The following PRSS55 variants were observed in gnomAD, a reference collection of about 807,000 sequenced individuals.
PRSS55 encodes serine protease 55.
In PRSS55, 41 loss-of-function variants were observed where a neutral mutation model predicts 23.6. That is an observed-to-expected ratio of 1.74 (90% CI 1.35 to 2.26). The LOEUF is 2.26. PRSS55 is among the 30% of genes most tolerant of loss of function. PRSS55 has a pLI of 0.00. For missense variants in PRSS55, 669 were observed against 439.1 expected (o/e 1.52, Z -4.68); for synonymous variants, 262 against 175.5 (o/e 1.49, Z -3.90).
downstream of PRSS55, among the ~76,000 whole-genome samples, chr8:10,540,025 T>A (rs1390012874): frequency 2.8e-4 from 42 of 152,144 alleles, no homozygotes; most frequent in Non-Finnish European, 1.5e-5. Context: ...GCTCCTCTCT[T>A]GCTCTCTCCT....
intron 1 of PRSS55, among the ~76,000 whole-genome samples, chr8:10,528,713 G>T (rs947572625): frequency 6.6e-6 from 1 of 152,168 alleles, no homozygotes; most frequent in Non-Finnish European, 1.5e-5. Flanking sequence ...CACACCTGGC[G>T]GCTTAAACAA....
At chr8:10,554,082 C>T (rs1044188746) in exon 5 of PRSS55, 1 of 1,235,918 alleles carries the variant, frequency 8.1e-7, no homozygotes, top group African/African-American at 1.5e-5. Context: ...AGAAAACATA[C>T]CCTTGGGCAT....
At chr8:10,531,709 C>A in intron 3 of PRSS55, 164 bp downstream of exon 3, 1 of 882,292 alleles carries the variant, frequency 1.1e-6, no homozygotes. Flanking sequence ...GCCGAAACCC[C>A]AAGGTGAGAC....
At chr8:10,528,926 C>G (rs535571724) in intron 1 of PRSS55, among the ~76,000 whole-genome samples, 1 of 152,174 alleles carries the variant, frequency 6.6e-6, no homozygotes, top group African/African-American at 2.4e-5. Context: ...TTTGCCTTTC[C>G]TCTGCAGTCA....
chr8:10,550,870 A>G (rs1025481760), intron 4 of PRSS55, among the ~76,000 whole-genome samples: 1 of 152,240 alleles, frequency 6.6e-6, no homozygotes, highest in African/African-American at 2.4e-5. Context: ...GTAGGAGTGC[A>G]TGGAAAGCTG....
At chr8:10,547,212 G>A (rs376480956) in intron 4 of PRSS55, among the ~76,000 whole-genome samples, 9 of 152,310 alleles carry the variant, frequency 5.9e-5, no homozygotes, top group African/African-American at 2.2e-4. Flanking sequence ...TCTTTCCAGA[G>A]TGAGCCGCCG....
Position 10,529,630 on chromosome 8 carries a change from G to C in PRSS55, c.278G>C (p.Cys93Ser). 1 of 1,614,208 alleles carries C rather than the reference G, an allele frequency of 6.2e-7. No homozygotes were observed. Among genetic ancestry groups the C allele is most frequent in the Non-Finnish European group, 8.5e-7 (1 of 1,180,036 alleles). Reference protein sequence around the residue: ...VSIQARSEPFCGGSILNKWWI... With the variant: ...VSIQARSEPFSGGSILNKWWI... ...ATTCAGGCAAGAAGTGAACCTTTCT[G>C]TGGCGGCTCCATCCTCAACAAGTGG... The change falls in exon 2 of 5, where the codon TGT becomes TCT. Residue 93 changes from cysteine to serine, a missense_variant. Cys to Ser is a moderately radical substitution (Grantham distance 112). Transcript: ENST00000328655.
chr8:10,532,864 G>A, intron 3 of PRSS55, 42 bp from the exon 4 acceptor site: 1 of 1,612,258 alleles, frequency 6.2e-7, no homozygotes, highest in Non-Finnish European at 8.5e-7. Context: ...GTGGGGACAT[G>A]AGGCCCAGTG....
chr8:10,543,175 T>C (rs1812708464), downstream of PRSS55, among the ~76,000 whole-genome samples: 2 of 152,122 alleles, frequency 1.3e-5, no homozygotes, highest in South Asian at 4.2e-4. Context: ...AGCTTGGCAA[T>C]CTTGGCAAGT....
Position 10,544,012 on chromosome 8 carries a change from G to A in PRSS55, c.742-9931G>A, listed in dbSNP as rs184757003. Among the ~76,000 whole-genome samples, 14 of 152,230 alleles carry A rather than the reference G, an allele frequency of 9.2e-5. No individual in the cohort carries two copies. In the East Asian group the frequency reaches 2.3e-3, roughly 25 times the overall value. On this transcript the variant is annotated intron_variant, in intron 4 of 4. Coordinates refer to the PRSS55 transcript ENST00000522210. ...GTATATTCTGCTATTATTGGGTAGC[G>A]TGTTCTATAGATGTTTATTAGGTCT...
In PRSS55 at chr8:10,552,708, C is replaced by A. The variant is rs114622305; in HGVS notation, c.742-1235C>A. On this transcript the variant is annotated intron_variant, in intron 4 of 4. Transcript: ENST00000522210. ...ATCATCAAGGAAATGCAAATTAATACCACAAAGACACATGACCTCACACCT... is the reference window on the plus strand; with the variant it reads ...ATCATCAAGGAAATGCAAATTAATAACACAAAGACACATGACCTCACACCT... 9.4e-3 allele frequency among the ~76,000 whole-genome samples: 1,429 copies of A among 152,290 alleles called. 22 individuals are homozygous for A. Among genetic ancestry groups the A allele is most frequent in the African/African-American group, 0.033 (1,367 of 41,554 alleles).
chr8:10,529,025 G>A (rs897756107), intron 1 of PRSS55, among the ~76,000 whole-genome samples: 1 of 152,076 alleles, frequency 6.6e-6, no homozygotes, highest in East Asian at 1.9e-4. Flanking sequence ...CCAGCATCAC[G>A]TTCCCACTCT....
At chr8:10,549,509 T>G (rs888864305) in intron 4 of PRSS55, among the ~76,000 whole-genome samples, 1 of 152,178 alleles carries the variant, frequency 6.6e-6, no homozygotes, top group Admixed American at 6.5e-5. Flanking sequence ...TCCAGCACAC[T>G]GGGGGTCACA....
downstream of PRSS55, among the ~76,000 whole-genome samples, chr8:10,543,559 C>G (rs1490563377): frequency 2.0e-5 from 3 of 150,320 alleles, no homozygotes; most frequent in African/African-American, 4.9e-5. Flanking sequence ...TTTAACAAAT[C>G]TGTCCCTATC....
chr8:10,531,289 C>T lies in PRSS55; in HGVS notation c.348-6C>T, dbSNP rs1317791120. ...CACTTGCCCCTCTCTGGTTCTCTGC[C>T]ACCAGTCCAGAAGAACTGAGTGTCG... On this transcript the variant is annotated splice_polypyrimidine_tract_variant and splice_region_variant and intron_variant, in intron 2 of 4. Transcript: ENST00000328655. 1 of 1,612,974 alleles carries T rather than the reference C, an allele frequency of 6.2e-7. No individual in the cohort carries two copies. The highest frequency in any genetic ancestry group is 8.5e-7 in the Non-Finnish European group (1 of 1,179,110).
Position 10,529,578 on chromosome 8 carries a change from G to T in PRSS55, c.226G>T (p.Val76Leu). ...AATCACAGGGGGGATGGAGGCGGAG[G>T]TGGGTGAGTTTCCGTGGCAGGTGAG... Reference protein sequence around the residue: ...SRITGGMEAEVGEFPWQVSIQ... With the variant: ...SRITGGMEAELGEFPWQVSIQ... The change falls in exon 2 of 5, where the codon GTG (valine) becomes TTG (leucine). Residue 76 changes from valine to leucine, a missense_variant. Transcript: ENST00000328655. 1 of 1,614,222 alleles carries T rather than the reference G, an allele frequency of 6.2e-7. No homozygotes were observed. The highest frequency in any genetic ancestry group is 8.5e-7 in the Non-Finnish European group (1 of 1,180,034).
chr8:10,531,413 G>T lies in PRSS55; in HGVS notation c.466G>T (p.Asp156Tyr). The T allele has an allele frequency of 6.2e-7, 1 of 1,614,248 alleles. No individual in the cohort carries two copies. The highest frequency in any genetic ancestry group is 8.5e-7 in the Non-Finnish European group (1 of 1,180,060). ...CTTTAAGAGAGCCAACATGGACAAT[G>T]ACATTGCCTTGCTGCTGCTGGCTTC... ...KDFKRANMDN[D>Y]IALLLLASPI... The change falls in exon 3 of 5, where the codon GAC becomes TAC. Residue 156 changes from aspartate to tyrosine, a missense_variant. By Grantham distance (160) the Asp-to-Tyr change is radical. Transcript: ENST00000328655.
intron 4 of PRSS55, among the ~76,000 whole-genome samples, chr8:10,548,436 C>G (rs1812873030): frequency 6.6e-6 from 1 of 152,136 alleles, no homozygotes; most frequent in African/African-American, 2.4e-5. Flanking sequence ...GGCTGCCACC[C>G]TGCTGGGCCC....
At chr8:10,528,325 G>T (rs2117009922) in intron 1 of PRSS55, among the ~76,000 whole-genome samples, 1 of 152,240 alleles carries the variant, frequency 6.6e-6, no homozygotes, top group South Asian at 2.1e-4. Flanking sequence ...CCACCACAGG[G>T]TCACCCAAAC....
Sources: gnomAD v4.1 joint callset for allele counts (sites outside exome capture counted in the v4.1 genomes callset) on GRCh38, gnomAD v4.1.1 for gene constraint, MANE v1.5 for transcripts, NCBI Gene and HGNC (gene_info 2026-07-23, HGNC 2026-07-21) for gene names.